APP: variants seen among roughly 807,000 people sequenced by gnomAD.
APP encodes amyloid-beta precursor protein.
Under a neutral mutation model 101.4 loss-of-function variants are expected in APP, and 31 were observed. That is an observed-to-expected ratio of 0.31 (90% CI 0.23 to 0.41). APP has a LOEUF of 0.41. APP is among the 10% of genes least tolerant of loss of function. The pLI is 1.00. For missense variants in APP, 839 were observed against 1,003.7 expected, an observed-to-expected ratio of 0.84 and a Z score of 2.22; for synonymous variants, 366 against 364.4, an observed-to-expected ratio of 1.00 and a Z score of -0.05.
At chr21:26,013,277 A>G (rs957490486) in intron 6 of APP, among the ~76,000 whole-genome samples, 2 of 152,216 alleles carry the variant, frequency 1.3e-5, no homozygotes, top group African/African-American at 4.8e-5. Flanking sequence ...AGATCGCGCC[A>G]TTGCACTCCA....
chr21:26,168,608 G>C (rs1039225644), intron 1 of APP, among the ~76,000 whole-genome samples: 2 of 152,126 alleles, frequency 1.3e-5, no homozygotes, highest in Non-Finnish European at 2.9e-5. Context: ...TTTAAGTTTT[G>C]ACAAAAGCTT....
chr21:25,904,959 G>C, intron 15 of APP, 65 bp downstream of exon 15: 2 of 1,378,022 alleles, frequency 1.5e-6, no homozygotes, highest in Non-Finnish European at 2.1e-6. Flanking sequence ...ATGCAGAAAG[G>C]AGACAACGTC....
chr21:25,911,177 A>G (rs140047310), intron 14 of APP, among the ~76,000 whole-genome samples: 156 of 152,340 alleles, frequency 1.0e-3, no homozygotes, highest in Admixed American at 3.8e-3. Flanking sequence ...CATAAACATA[A>G]TAATATGATA....
At chr21:25,894,578 G>C (rs1569018680) in intron 16 of APP, among the ~76,000 whole-genome samples, 1 of 152,190 alleles carries the variant, frequency 6.6e-6, no homozygotes, top group African/African-American at 2.4e-5. Flanking sequence ...GAAATAACAA[G>C]AGAACTAGAA....
chr21:25,972,536 C>T (rs968066117), intron 11 of APP, among the ~76,000 whole-genome samples: 1 of 151,972 alleles, frequency 6.6e-6, no homozygotes, highest in African/African-American at 2.4e-5. Context: ...CTTATGTGCA[C>T]TCAAACTTTT....
At chr21:26,051,289 A>G in intron 4 of APP, 96 bp from the exon 5 acceptor site, 1 of 1,232,284 alleles carries the variant, frequency 8.1e-7, no homozygotes, top group South Asian at 1.3e-5. Context: ...GACCCAATAT[A>G]TTAGGAACCA....
chr21:25,908,486 G>T (rs1274365304), intron 14 of APP, among the ~76,000 whole-genome samples: 1 of 152,210 alleles, frequency 6.6e-6, no homozygotes. Flanking sequence ...GTGTATGTGT[G>T]TGTGTGTGCA....
chr21:26,159,736 C>T (rs1490724139), intron 1 of APP, among the ~76,000 whole-genome samples: 2 of 152,134 alleles, frequency 1.3e-5, no homozygotes, highest in Non-Finnish European at 2.9e-5. Flanking sequence ...CTCATCTCAT[C>T]GGCTATTTAT....
intron 11 of APP, among the ~76,000 whole-genome samples, chr21:25,969,867 A>AAGAAG (rs1401444478): frequency 7.5e-6 from 1 of 133,162 alleles, no homozygotes; most frequent in African/African-American, 2.8e-5. Context: ...AAGAAAAGAA[A>AAGAAG]AGAAAAGAGA....
intron 3 of APP, among the ~76,000 whole-genome samples, chr21:26,077,680 T>C (rs2061523448): frequency 6.6e-6 from 1 of 151,488 alleles, no homozygotes; most frequent in African/African-American, 2.4e-5. Context: ...CAATCTGGAC[T>C]AGCTGCTCTC....
chr21:25,977,629 G>T (rs2042271801), intron 9 of APP, among the ~76,000 whole-genome samples: 1 of 152,148 alleles, frequency 6.6e-6, no homozygotes, highest in East Asian at 1.9e-4. Flanking sequence ...TAGGCAATTA[G>T]CTTCTTCTTG....
chr21:26,091,645 A>G (rs1443558815), intron 2 of APP, among the ~76,000 whole-genome samples: 2 of 152,220 alleles, frequency 1.3e-5, no homozygotes, highest in Non-Finnish European at 2.9e-5. Flanking sequence ...TGAGGTAGAA[A>G]GAGGTCTGGA....
Position 25,975,220 on chromosome 21 carries a change from C to G in APP, c.1308G>C (p.Gln436His), listed in dbSNP as rs199713404. 1.9e-6 allele frequency: 3 copies of G among 1,614,188 alleles called. No individual in the cohort carries two copies. Among genetic ancestry groups the G allele is most frequent in the Non-Finnish European group, 2.5e-6 (3 of 1,180,020 alleles). Reference protein sequence around the residue: ...ADKKAVIQHFQEKVESLEQEA... With the variant: ...ADKKAVIQHFHEKVESLEQEA... ...CCTGTTCCAAAGATTCCACTTTCTC[C>G]TGGAAATGCTGCCATCATAAACACA... The change falls in exon 11 of 18, where the codon CAG (glutamine) becomes CAC (histidine). Residue 436 changes from glutamine (Q) to histidine (H), a missense_variant. Coordinates refer to ENST00000346798, the MANE Select transcript of APP (RefSeq NM_000484.4).
intron 11 of APP, among the ~76,000 whole-genome samples, chr21:25,964,851 T>C (rs1287028763): frequency 2.0e-5 from 3 of 152,106 alleles, no homozygotes; most frequent in African/African-American, 4.8e-5. Context: ...CCACCCGCCT[T>C]GGCCTCCCAA....
chr21:26,165,255 C>T (rs900257660), intron 1 of APP, among the ~76,000 whole-genome samples: 1 of 152,232 alleles, frequency 6.6e-6, no homozygotes, highest in Middle Eastern at 3.2e-3. Context: ...ACATCAACAT[C>T]ATCACCATAC....
At chr21:25,978,866 C>T (rs961813349) in intron 9 of APP, among the ~76,000 whole-genome samples, 5 of 152,278 alleles carry the variant, frequency 3.3e-5, no homozygotes, top group Admixed American at 2.6e-4. Context: ...GCAGGAGAAT[C>T]GCTTGAACCA....
At chr21:26,021,168 C>T (rs1408665051) in intron 6 of APP, among the ~76,000 whole-genome samples, 6 of 151,744 alleles carry the variant, frequency 4.0e-5, no homozygotes, top group Non-Finnish European at 5.9e-5. Flanking sequence ...CTGTCTCAGC[C>T]TCCCAAATAG....
At chr21:26,136,658 A>G (rs1184721673) in intron 1 of APP, among the ~76,000 whole-genome samples, 1 of 152,130 alleles carries the variant, frequency 6.6e-6, no homozygotes, top group Non-Finnish European at 1.5e-5. Flanking sequence ...TATCACAAAA[A>G]TGTGTGCTGA....
chr21:25,933,887 A>G (rs2040251790), intron 13 of APP: 1 of 152,218 alleles, frequency 6.6e-6, no homozygotes, highest in Non-Finnish European at 1.5e-5. Context: ...ACAATAGTTC[A>G]CATTCTTAAA....
Sources: gnomAD v4.1 joint callset for allele counts (sites outside exome capture counted in the v4.1 genomes callset) on GRCh38, gnomAD v4.1.1 for gene constraint, MANE v1.5 for transcripts, NCBI Gene and HGNC (gene_info 2026-07-23, HGNC 2026-07-21) for gene names.